Variants in HTR3A observed in about 807,000 individuals in gnomAD.
The protein encoded by HTR3A is 5-hydroxytryptamine (serotonin) receptor 3A, ionotropic.
Under a neutral mutation model 54.8 loss-of-function variants are expected in HTR3A, and 45 were observed. The observed-to-expected ratio is 0.82, with a 90% CI of 0.65 to 1.05. The LOEUF is 1.05. HTR3A is among the 50% of genes least tolerant of loss of function. HTR3A has a pLI of 0.00. For missense variants in HTR3A, 657 were observed against 614.0 expected (o/e 1.07, Z -0.74); for synonymous variants, 297 against 256.0 (o/e 1.16, Z -1.53).
chr11:113,975,284 T>C lies in HTR3A; in HGVS notation c.-42T>C, dbSNP rs1062613. 0.78 allele frequency: 1,260,128 copies of C among 1,608,240 alleles called. 497,445 individuals carry two copies. Among genetic ancestry groups the C allele is most frequent in the East Asian group, 0.87 (39,139 of 44,818 alleles). ...GCAAGCTGGCCCTTGGTGGGCCTCG[T>C]CCTGAGCACTCGGAGGCACTCCTAT... On this transcript the variant is annotated 5_prime_UTR_variant, in exon 1 of 9. Transcript: ENST00000504030.
chr11:113,989,785 A>G lies in HTR3A; in HGVS notation c.*22A>G. 6.2e-7 allele frequency: 1 copy of G among 1,604,148 alleles called. No individual in the cohort carries two copies. Among genetic ancestry groups the G allele is most frequent in the Non-Finnish European group, 8.5e-7 (1 of 1,179,532 alleles). On this transcript the variant is annotated 3_prime_UTR_variant, in exon 9 of 9. Coordinates refer to ENST00000504030, the MANE Select transcript of HTR3A (RefSeq NM_000869.6). The surrounding 1 kb of genome is among the most constrained non-coding windows in gnomAD (Gnocchi z 4.4). ...TTGAGTGGGTACAGCCCAGTGGAGG[A>G]GGGGGTACAGTCCTGGTTAGGTGGG... is the stretch of plus-strand genomic sequence containing the variant.
chr11:113,975,405 C>T lies in HTR3A; in HGVS notation c.67+13C>T, dbSNP rs761249717. 1.0e-4 allele frequency: 166 copies of T among 1,607,734 alleles called. 2 individuals are homozygous for T. Among genetic ancestry groups the T allele is most frequent in the Admixed American group, 6.2e-4 (37 of 59,964 alleles). The stretch of plus-strand genomic sequence containing the variant: ...GCACAGGGAGAAGGTAAGCAGACTT[C>T]GGGAAGCAGCAGGACTTGGCTGACC... On this transcript the variant is annotated intron_variant, in intron 1 of 8. Transcript: ENST00000504030.
chr11:113,980,332 G>A (rs1435557185), intron 3 of HTR3A, among the ~76,000 whole-genome samples: 1 of 152,216 alleles, frequency 6.6e-6, no homozygotes, highest in Non-Finnish European at 1.5e-5. Context: ...CCCACCATGA[G>A]CTCACAGACC....
chr11:113,987,572 AT>A (rs58053281), intron 8 of HTR3A, among the ~76,000 whole-genome samples: 4 of 149,816 alleles, frequency 2.7e-5, no homozygotes, highest in African/African-American at 9.8e-5. Context: ...ATCTCTACTA[AT>A]TTTTTTTTTC....
At chr11:113,981,488 G>C (rs754561172) in intron 4 of HTR3A, among the ~76,000 whole-genome samples, 176 bp downstream of exon 4, 10 of 152,012 alleles carry the variant, frequency 6.6e-5, no homozygotes, top group Non-Finnish European at 1.3e-4. Context: ...ACCTTTTTCT[G>C]TTCTTTTCTT....
At chr11:113,988,665 G>A (rs1343175275) in intron 8 of HTR3A, among the ~76,000 whole-genome samples, 1 of 152,128 alleles carries the variant, frequency 6.6e-6, no homozygotes, top group Non-Finnish European at 1.5e-5. Flanking sequence ...TCAGGAGGCT[G>A]AGGAAAGAGA....
chr11:113,979,835 T>C (rs1161696939), intron 3 of HTR3A, among the ~76,000 whole-genome samples: 1 of 152,074 alleles, frequency 6.6e-6, no homozygotes, highest in African/African-American at 2.4e-5. Flanking sequence ...AGGGTCCTGC[T>C]CTGGAAGCCC....
chr11:113,983,135 G>T lies in HTR3A; in HGVS notation c.390G>T (p.Lys130Asn), dbSNP rs1306080772. 1 of 1,614,110 alleles carries T rather than the reference G, an allele frequency of 6.2e-7. No homozygotes were observed. Among genetic ancestry groups the T allele is most frequent in the Non-Finnish European group, 8.5e-7 (1 of 1,180,046 alleles). ...CCCCCGCCAGCGTGGATGTGGGGAA[G>T]TCTCCAAATATCCCGTACGTGTATA... ...ILINEFVDVG[K>N]SPNIPYVYIR... Residue 130 changes from lysine to asparagine, a missense_variant, in exon 5 of 9, where the codon AAG (lysine) becomes AAT (asparagine). Physicochemically the swap from Lys to Asn is moderately conservative, Grantham distance 94. Transcript: ENST00000504030.
At position 113,986,667 on chromosome 11, in the gene HTR3A, G is replaced by A. The variant is rs577610340; in HGVS notation, c.855G>A (p.Ser285=). The part of the protein sequence containing the change: ...SFKITLLLGY[S]VFLIIVSDTL... ...AGATTACACTCCTCCTGGGCTACTC[G>A]GTCTTCCTGATCATCGTTTCTGACA... Residue 285 remains serine (S), a synonymous_variant, in exon 7 of 9, where the codon TCG becomes TCA. Coordinates refer to ENST00000504030, the MANE Select transcript of HTR3A (RefSeq NM_000869.6). 70 of 1,613,982 alleles carry A rather than the reference G, an allele frequency of 4.3e-5. No homozygotes were observed. Among genetic ancestry groups the A allele is most frequent in the Non-Finnish European group, 5.7e-5 (67 of 1,180,036 alleles).
At chr11:113,983,351 C>A (rs559543998) in intron 5 of HTR3A, 62 bp downstream of exon 5, 2 of 1,581,200 alleles carry the variant, frequency 1.3e-6, no homozygotes, top group Admixed American at 1.7e-5. Context: ...GACACCTGAG[C>A]GAGGAGTGCT....
intron 5 of HTR3A, among the ~76,000 whole-genome samples, chr11:113,984,223 T>C (rs1196193441): frequency 6.6e-6 from 1 of 152,116 alleles, no homozygotes; most frequent in African/African-American, 2.4e-5. Context: ...TCCCCTAGAC[T>C]AGGCCATCCC....
intron 3 of HTR3A, 51 bp from the exon 4 acceptor site, chr11:113,981,152 C>A (rs772979890): frequency 4.3e-6 from 5 of 1,163,852 alleles, no homozygotes; most frequent in African/African-American, 1.5e-5. Context: ...GCAGGCGACC[C>A]TCACTGGAGA....
intron 3 of HTR3A, 23 bp from the exon 4 acceptor site, chr11:113,981,180 G>A: frequency 6.8e-7 from 1 of 1,476,420 alleles, no homozygotes; most frequent in Middle Eastern, 1.9e-4. Flanking sequence ...GGCTGCCTGT[G>A]ACCATCCCTG....
intron 1 of HTR3A, among the ~76,000 whole-genome samples, chr11:113,976,505 T>A (rs1455984974): frequency 6.6e-6 from 1 of 151,768 alleles, no homozygotes; most frequent in Non-Finnish European, 1.5e-5. Context: ...TCTGGTGGAC[T>A]GTTCTAAAGT....
Position 113,986,625 on chromosome 11 carries a change from C to T in HTR3A, c.813C>T (p.Gly271=), listed in dbSNP as rs141387942. 7.6e-4 allele frequency: 1,228 copies of T among 1,613,878 alleles called. 11 individuals are homozygous for T. In the African/African-American group the frequency reaches 0.014, roughly 18 times the overall value. ...GCTTCTACCTGCCCCCCAACAGTGGCGAGAGGGTCTCTTTCAAGATTACAC... is the reference window on the plus strand; with the variant it reads ...GCTTCTACCTGCCCCCCAACAGTGGTGAGAGGGTCTCTTTCAAGATTACAC... ...IVGFYLPPNS[G]ERVSFKITLL... is the part of the protein sequence containing the mutation. The change falls in exon 7 of 9, where the codon GGC becomes GGT. Residue 271 remains glycine (G), a synonymous_variant. Coordinates refer to ENST00000504030, the MANE Select transcript of HTR3A (RefSeq NM_000869.6).
chr11:113,977,913 C>G lies in HTR3A; in HGVS notation c.210C>G (p.Ile70Met). The G allele has an allele frequency of 6.2e-7, 1 of 1,614,210 alleles. No homozygotes were observed. The highest frequency in any genetic ancestry group is 8.5e-7 in the Non-Finnish European group (1 of 1,180,030). The change falls in exon 2 of 9, where the codon ATC (isoleucine) becomes ATG (methionine). Residue 70 changes from isoleucine to methionine, a missense_variant. Coordinates refer to ENST00000504030, the MANE Select transcript of HTR3A (RefSeq NM_000869.6). ...TVSIDVIVYA[I>M]LNVDEKNQVL... ...CCATTGACGTCATTGTCTATGCCAT[C>G]CTCAACGTGGTGAGGCTCAGCCCCG...
At chr11:113,981,087 C>G in intron 3 of HTR3A, 116 bp from the exon 4 acceptor site, 1 of 722,286 alleles carries the variant, frequency 1.4e-6, no homozygotes, top group South Asian at 1.5e-5. Flanking sequence ...ACCAGCTTCT[C>G]CCAGGAAGAT....
Position 113,977,737 on chromosome 11 carries a change from G to A in HTR3A, c.68-34G>A, listed in dbSNP as rs543499116. ...AGAGAACCGGGGGAAGTCTTGGGGG[G>A]CTGGTGTCTACTTTGAACTGTTCTC... On this transcript the variant is annotated intron_variant, in intron 1 of 8. Coordinates refer to ENST00000504030, the MANE Select transcript of HTR3A (RefSeq NM_000869.6). The A allele has an allele frequency of 8.7e-6, 14 of 1,610,378 alleles. No homozygotes were observed. The South Asian group carries it at 1.2e-4, about 14-fold the overall frequency.
rs368696434 is a variant in HTR3A, at chr11:113,977,792, C to G, written c.89C>G (p.Thr30Ser). Residue 30 changes from threonine (T) to serine (S), a missense_variant, in exon 2 of 9, where the codon ACC (threonine) becomes AGC (serine). Coordinates refer to ENST00000504030, the MANE Select transcript of HTR3A (RefSeq NM_000869.6). Reference protein sequence around the residue: ...QGEARRSRNTTRPALLRLSDY... With the variant: ...QGEARRSRNTSRPALLRLSDY... ...CCAGCCAGGAGGAGCCGAAACACCA[C>G]CAGGCCCGCTCTGCTGAGGCTGTCG... 36 of 1,614,034 alleles carry G rather than the reference C, an allele frequency of 2.2e-5. No homozygotes were observed. Among genetic ancestry groups the G allele is most frequent in the Non-Finnish European group, 3.0e-5 (35 of 1,180,044 alleles).
Sources: gnomAD v4.1 joint callset for allele counts (sites outside exome capture counted in the v4.1 genomes callset) on GRCh38, gnomAD v4.1.1 for gene constraint, Gnocchi (gnomAD v3.1) non-coding constraint, MANE v1.5 for transcripts, NCBI Gene and HGNC (gene_info 2026-07-23, HGNC 2026-07-21) for gene names.